The following RBFOX3 variants were observed in gnomAD, a reference collection of about 807,000 sequenced individuals.
RBFOX3 encodes RNA binding protein fox-1 homolog 3.
In RBFOX3, 17 loss-of-function variants were observed where a neutral mutation model predicts 48.7. That is an observed-to-expected ratio of 0.35 (90% CI 0.24 to 0.52). The LOEUF (loss-of-function observed/expected upper bound fraction) is 0.52, where lower values mean the gene tolerates loss of function less well. Ranked by LOEUF, RBFOX3 falls within the 20% of genes least tolerant of loss-of-function variation. The pLI is 0.94. For synonymous variants in RBFOX3, 212 were observed against 209.5 expected, an observed-to-expected ratio of 1.01 and a Z score of -0.10; for missense variants, 382 against 497.5, an observed-to-expected ratio of 0.77 and a Z score of 2.21.
intron 1 of RBFOX3, among the ~76,000 whole-genome samples, chr17:79,590,675 C>T (rs2093390095): frequency 6.6e-6 from 1 of 152,180 alleles, no homozygotes; most frequent in African/African-American, 2.4e-5. Flanking sequence ...TCATTCTGGC[C>T]ACCTGGCACC....
At chr17:79,110,130 CAAA>C (rs34151285) in intron 5 of RBFOX3, among the ~76,000 whole-genome samples, 40 of 132,298 alleles carry the variant, frequency 3.0e-4, no homozygotes, top group Non-Finnish European at 2.8e-4. Context: ...TTCCCCCACT[CAAA>C]AAAAAAAAAA....
chr17:79,556,231 G>T (rs992418078), intron 1 of RBFOX3, among the ~76,000 whole-genome samples: 33 of 152,302 alleles, frequency 2.2e-4, no homozygotes, highest in African/African-American at 7.5e-4. Context: ...CTCCCTCCCT[G>T]CTGACCCCTC....
intron 4 of RBFOX3, among the ~76,000 whole-genome samples, chr17:79,222,242 C>A (rs1203761698): frequency 3.3e-5 from 5 of 151,582 alleles, no homozygotes; most frequent in Non-Finnish European, 5.9e-5. Flanking sequence ...CTTTATGGCT[C>A]CCTGGGGATC....
intron 2 of RBFOX3, among the ~76,000 whole-genome samples, chr17:79,427,686 C>T (rs1295127853): frequency 6.6e-6 from 1 of 152,264 alleles, no homozygotes; most frequent in Non-Finnish European, 1.5e-5. Flanking sequence ...GGGAAACATC[C>T]TGAGATAGGA....
chr17:79,500,252 T>A (rs1030058126), intron 1 of RBFOX3, among the ~76,000 whole-genome samples: 1 of 130,216 alleles, frequency 7.7e-6, no homozygotes, highest in Admixed American at 7.3e-5. Context: ...AGAAATGACT[T>A]TTTTTTTTTT....
chr17:79,533,911 C>T (rs574363182), intron 1 of RBFOX3, among the ~76,000 whole-genome samples: 136 of 152,358 alleles, frequency 8.9e-4, no homozygotes, highest in Non-Finnish European at 1.7e-3. Flanking sequence ...CACTCCCAGA[C>T]TTTCCTATGC....
chr17:79,620,158 CGGACAT>C, the RBFOX3 span, among the ~76,000 whole-genome samples: 1 of 33,948 alleles, frequency 2.9e-5, no homozygotes. Flanking sequence ...CATGCACGCG[CGGACAT>C]GCACACACAT....
At chr17:79,269,884 G>A (rs2067360289) in intron 3 of RBFOX3, among the ~76,000 whole-genome samples, 1 of 152,088 alleles carries the variant, frequency 6.6e-6, no homozygotes, top group Non-Finnish European at 1.5e-5. Flanking sequence ...CCAGCAAAGT[G>A]AGCCCCGCCA....
rs201232059 is a variant in RBFOX3 at position 79,252,289 on chromosome 17, C to T, written c.-73-16484G>A. Among the ~76,000 whole-genome samples, 2 of 152,054 alleles carry T rather than the reference C, an allele frequency of 1.3e-5. No individual in the cohort carries two copies. Among genetic ancestry groups the T allele is most frequent in the Admixed American group, 6.5e-5 (1 of 15,294 alleles). On this transcript the variant is annotated intron_variant, in intron 3 of 14. Transcript: ENST00000693108. This position sits in a 1 kb window ranked among gnomAD's most constrained non-coding sequence, Gnocchi z 4.0. ...TAGCCGAGTTCCCTGTGGGTCCAAC[C>T]TTTTGCTTCCCTTGATGTCTCCCAG...
rs953830526 is a variant in RBFOX3, at chr17:79,115,535, C to T, written c.181G>A (p.Glu61Lys). Reference sequence around the variant, plus strand: ...CCGGCGATGGGCTGTGTGCTGGCCTCGGAGCCTGGCTGCTCGGGGTGGGTC... The same window carrying T: ...CCGGCGATGGGCTGTGTGCTGGCCTTGGAGCCTGGCTGCTCGGGGTGGGTC... ...AQTHPEQPGS[E>K]ASTQPIAGTQ... Residue 61 changes from glutamate to lysine, a missense_variant, in exon 5 of 15, where the codon GAG (glutamate) becomes AAG (lysine). Physicochemically the swap from Glu to Lys is moderately conservative, Grantham distance 56. Coordinates refer to ENST00000693108, the MANE Select transcript of RBFOX3 (RefSeq NM_001350451.2). 23 of 1,344,958 alleles carry T rather than the reference C, an allele frequency of 1.7e-5. No individual in the cohort carries two copies. Among genetic ancestry groups the T allele is most frequent in the East Asian group, 9.1e-5 (3 of 32,836 alleles). 83.3% of individuals were successfully genotyped at this position (1,344,958 alleles called of 1,614,324 possible).
intron 2 of RBFOX3, among the ~76,000 whole-genome samples, chr17:79,316,620 A>C (rs2077577221): frequency 6.6e-6 from 1 of 152,222 alleles, no homozygotes; most frequent in Admixed American, 6.5e-5. Context: ...CCCTCCCCAC[A>C]AGGCCACCAC....
rs1387778052 is a variant in RBFOX3, at chr17:79,311,419, G to C, written c.-174-3595C>G. On this transcript the variant is annotated intron_variant, in intron 2 of 14. Coordinates refer to ENST00000693108, the MANE Select transcript of RBFOX3 (RefSeq NM_001350451.2). This position sits in a 1 kb window ranked among gnomAD's most constrained non-coding sequence, Gnocchi z 4.2. ...TTGCACTCCAGCCTGGGTAAGAAGA[G>C]CGAGACTCCATCTCCAAAAAAAAAA... Among the ~76,000 whole-genome samples, 1 of 130,300 alleles carries C rather than the reference G, an allele frequency of 7.7e-6. No homozygotes were observed. Among genetic ancestry groups the C allele is most frequent in the African/African-American group, 2.8e-5 (1 of 36,230 alleles). 85.5% of individuals were successfully genotyped at this position (130,300 alleles called of 152,430 possible).
intron 2 of RBFOX3, among the ~76,000 whole-genome samples, chr17:79,463,325 G>A (rs1555750702): frequency 1.6e-5 from 1 of 63,030 alleles, no homozygotes; most frequent in African/African-American, 5.9e-5. Flanking sequence ...CACTGCCACC[G>A]CCACCTCCAC....
At chr17:79,501,769 T>G (rs925126) in intron 1 of RBFOX3, among the ~76,000 whole-genome samples, 130,276 of 152,236 alleles carry the variant, frequency 0.86, 56,323 homozygotes, top group Non-Finnish European at 0.9. Context: ...ATCATCTCAG[T>G]TTATACAGTA....
intron 5 of RBFOX3, among the ~76,000 whole-genome samples, chr17:79,114,236 A>G (rs1242587164): frequency 6.6e-6 from 1 of 152,186 alleles, no homozygotes; most frequent in Non-Finnish European, 1.5e-5. Flanking sequence ...TTTGATGAAT[A>G]AGAACCAGAG....
chr17:79,343,267 T>A (rs898253550), intron 2 of RBFOX3, among the ~76,000 whole-genome samples: 2 of 152,154 alleles, frequency 1.3e-5, no homozygotes, highest in African/African-American at 4.8e-5. Flanking sequence ...AACTCACACC[T>A]GTAATCCCAG....
rs1598621166 is a variant in RBFOX3 at position 79,421,985 on chromosome 17, G to A, written c.-175+60469C>T. 6.6e-6 allele frequency among the ~76,000 whole-genome samples: 1 copy of A among 152,162 alleles called. No homozygotes were observed. The highest frequency in any genetic ancestry group is 1.9e-4 in the East Asian group (1 of 5,162). On this transcript the variant is annotated intron_variant, in intron 2 of 14. Transcript: ENST00000693108. This position sits in a 1 kb window ranked among gnomAD's most constrained non-coding sequence, Gnocchi z 4.5. ...TCTAGGTGCTGCCCGGACGAGATGA[G>A]GAGGGGGACTTGCCGGCTGCTGGCT...
At chr17:79,457,551 G>A (rs934919434) in intron 2 of RBFOX3, among the ~76,000 whole-genome samples, 6 of 152,174 alleles carry the variant, frequency 3.9e-5, no homozygotes, top group African/African-American at 4.8e-5. Context: ...CAGCAGCCCC[G>A]TGTAGATGCC....
rs139970855 is a variant in RBFOX3 at position 79,446,505 on chromosome 17, C to T, written c.-175+35949G>A. On this transcript the variant is annotated intron_variant, in intron 2 of 14. Transcript: ENST00000693108. ...CCAAACTGAAGACTAGCCAAGCAAACGGGATGGAAGCAGCTCTCCCTAAGA... is the reference window on the plus strand; with the variant it reads ...CCAAACTGAAGACTAGCCAAGCAAATGGGATGGAAGCAGCTCTCCCTAAGA... Among the ~76,000 whole-genome samples, 396 of 152,264 alleles carry T rather than the reference C, an allele frequency of 2.6e-3. 2 individuals carry two copies. Among genetic ancestry groups the T allele is most frequent in the Admixed American group, 5.5e-3 (84 of 15,300 alleles).
Sources: gnomAD v4.1 joint callset for allele counts (sites outside exome capture counted in the v4.1 genomes callset) on GRCh38, gnomAD v4.1.1 for gene constraint, Gnocchi (gnomAD v3.1) non-coding constraint, MANE v1.5 for transcripts, NCBI Gene and HGNC (gene_info 2026-07-23, HGNC 2026-07-21) for gene names.